Variants in DIAPH2 observed in about 807,000 individuals in gnomAD.
DIAPH2 encodes the protein diaphanous related formin 2.
Under a neutral mutation model 92.7 loss-of-function variants are expected in DIAPH2, and 35 were observed. That is an observed-to-expected ratio of 0.38 (90% CI 0.29 to 0.50). The LOEUF (loss-of-function observed/expected upper bound fraction) is 0.50, where lower values mean the gene tolerates loss of function less well. Ranked by LOEUF, DIAPH2 falls within the 20% of genes least tolerant of loss-of-function variation. The probability of loss-of-function intolerance (pLI) is 0.94; values close to 1 mark genes in which losing one functional copy is unlikely to be tolerated. For synonymous variants in DIAPH2, 301 were observed against 280.4 expected (o/e 1.07, Z -0.73); for missense variants, 701 against 819.5 (o/e 0.86, Z 1.77).
chrX:97,496,168 CT>C (rs10632820), intron 26 of DIAPH2, among the ~76,000 whole-genome samples: 7 of 54,085 alleles, frequency 1.3e-4, no homozygotes, highest in Admixed American at 3.3e-4. Flanking sequence ...GAATTGGTAC[CT>C]TTTTTTTTTT....
intron 26 of DIAPH2, among the ~76,000 whole-genome samples, chrX:97,574,697 A>C (rs1263539212): frequency 2.7e-5 from 3 of 112,150 alleles, no homozygotes; most frequent in Admixed American, 9.4e-5. Context: ...CATTGCTGGA[A>C]CATAGGTATG....
intron 25 of DIAPH2, among the ~76,000 whole-genome samples, chrX:97,405,855 A>G (rs775164917): frequency 3.6e-5 from 4 of 111,822 alleles, no homozygotes; most frequent in Admixed American, 9.5e-5. Flanking sequence ...GTATTACTTA[A>G]TCACTTTTTG....
At chrX:97,378,697 G>A (rs1458006472) in intron 24 of DIAPH2, among the ~76,000 whole-genome samples, 3 of 111,475 alleles carry the variant, frequency 2.7e-5, no homozygotes, top group South Asian at 7.6e-4. Flanking sequence ...GGTGACAGAG[G>A]GAGACCCTGA....
chrX:97,320,108 A>T (rs180869870), intron 23 of DIAPH2, among the ~76,000 whole-genome samples: 4,039 of 104,965 alleles, frequency 0.038, 68 homozygotes, highest in African/African-American at 0.064. Context: ...TCAAAAAAAA[A>T]ATATATATAT....
At chrX:96,798,601 A>G (rs935873749) in intron 4 of DIAPH2, among the ~76,000 whole-genome samples, 1 of 111,453 alleles carries the variant, frequency 9.0e-6, no homozygotes, top group African/African-American at 3.3e-5. Flanking sequence ...CCAGTAAGCA[A>G]TCTTTTTCTG....
intron 17 of DIAPH2, among the ~76,000 whole-genome samples, chrX:96,991,539 GTT>G (rs5903062): frequency 1.1e-5 from 1 of 87,329 alleles, no homozygotes; most frequent in African/African-American, 4.3e-5. Flanking sequence ...GTTTTATGGT[GTT>G]TTTTTTTTTT....
intron 26 of DIAPH2, among the ~76,000 whole-genome samples, chrX:97,507,194 AT>A (rs35219826): frequency 0.42 from 41,750 of 100,409 alleles, 8,746 homozygotes; most frequent in Non-Finnish European, 0.58. Context: ...CATAAATTCT[AT>A]TTTTTTACAA....
intron 23 of DIAPH2, among the ~76,000 whole-genome samples, chrX:97,258,925 A>G (rs767469307): frequency 1.8e-5 from 2 of 109,194 alleles, no homozygotes; most frequent in East Asian, 2.9e-4. Flanking sequence ...AAACAAAACA[A>G]AGAAAGAAAT....
Position 97,307,660 on chromosome X carries a change from G to T in DIAPH2, c.2845-40456G>T, listed in dbSNP as rs191459006. On this transcript the variant is annotated intron_variant, in intron 23 of 26. Coordinates refer to ENST00000324765, the MANE Select transcript of DIAPH2 (RefSeq NM_006729.5). ...GCGGTGGCTCACTCCTATAATCCCA[G>T]CACTTTGGGAGGTTGAGGCGGGTGG... Among the ~76,000 whole-genome samples the T allele has an allele frequency of 2.4e-3, 264 of 110,728 alleles. 1 individual carries two copies. The highest frequency in any genetic ancestry group is 8.4e-3 in the African/African-American group (256 of 30,476).
chrX:96,765,205 T>C (rs893243851), intron 4 of DIAPH2, among the ~76,000 whole-genome samples: 10 of 105,794 alleles, frequency 9.5e-5, no homozygotes, highest in Admixed American at 1.0e-4. Context: ...TTTTTTTTTT[T>C]TTTTTTTTTT....
chrX:96,770,683 C>G (rs1031087882), intron 4 of DIAPH2, among the ~76,000 whole-genome samples: 1 of 111,026 alleles, frequency 9.0e-6, no homozygotes, highest in Admixed American at 9.6e-5. Context: ...TGTTAAAAAT[C>G]TAAATTCAGT....
In DIAPH2 at chrX:96,685,137, A is replaced by G. The variant is rs1020294222; in HGVS notation, c.79A>G (p.Ser27Gly). ...EPGGGRSNKR[S>G]AGNRAANEEE... Reference sequence around the variant, plus strand: ...CGGTGGGGGCCGGAGCAACAAGCGGAGCGCGGGGAACCGGGCCGCCAATGA... The same window carrying G: ...CGGTGGGGGCCGGAGCAACAAGCGGGGCGCGGGGAACCGGGCCGCCAATGA... Residue 27 changes from serine (S) to glycine (G), a missense_variant, in exon 1 of 27, where the codon AGC (serine) becomes GGC (glycine). Physicochemically the swap from Ser to Gly is moderately conservative, Grantham distance 56. Coordinates refer to ENST00000324765, the MANE Select transcript of DIAPH2 (RefSeq NM_006729.5). 1.6e-5 allele frequency: 16 copies of G among 1,013,542 alleles called. No homozygotes were observed. The highest frequency in any genetic ancestry group is 2.0e-5 in the Non-Finnish European group (16 of 792,536). 83.5% of individuals were successfully genotyped at this position (1,013,542 alleles called of 1,213,427 possible). A position where few individuals can be genotyped will look rare whatever the true frequency, so the allele number is the denominator to read the frequency against.
At chrX:97,452,162 AAAG>A (rs1480778318) in intron 26 of DIAPH2, among the ~76,000 whole-genome samples, 55 of 111,543 alleles carry the variant, frequency 4.9e-4, no homozygotes, top group African/African-American at 1.7e-3. Flanking sequence ...TCTCTTAAAA[AAAG>A]AAACGAATAT....
chrX:96,912,309 T>C lies in DIAPH2; in HGVS notation c.588-19T>C. On this transcript the variant is annotated intron_variant, in intron 5 of 26. Transcript: ENST00000324765. ...ATTACTAACTTACTTATACATCTAA[T>C]TTTTTGTTTATTTCTCAGCTGGGTT... is the stretch of plus-strand genomic sequence containing the variant. The C allele has an allele frequency of 4.3e-6, 5 of 1,159,259 alleles. No homozygotes were observed. The highest frequency in any genetic ancestry group is 2.3e-6 in the Non-Finnish European group (2 of 859,865).
At chrX:97,060,802 G>T (rs866281161) in intron 17 of DIAPH2, among the ~76,000 whole-genome samples, 1 of 111,983 alleles carries the variant, frequency 8.9e-6, no homozygotes, top group African/African-American at 3.2e-5. Flanking sequence ...AGTATTAAAC[G>T]GTAGTTCTCA....
At chrX:96,943,327 T>C (rs1158737847) in intron 13 of DIAPH2, among the ~76,000 whole-genome samples, 1 of 111,452 alleles carries the variant, frequency 9.0e-6, no homozygotes, top group Non-Finnish European at 1.9e-5. Context: ...CATTCTTGTA[T>C]ATAAATGTTT....
chrX:96,882,399 A>G (rs1043655085), intron 5 of DIAPH2, among the ~76,000 whole-genome samples: 14 of 111,409 alleles, frequency 1.3e-4, no homozygotes, highest in Admixed American at 1.9e-4. Flanking sequence ...ATGTTCTTCT[A>G]TAAGTTTTAG....
At chrX:96,991,679 G>A (rs2066073501) in intron 17 of DIAPH2, among the ~76,000 whole-genome samples, 2 of 109,622 alleles carry the variant, frequency 1.8e-5, no homozygotes, top group South Asian at 4.0e-4. Flanking sequence ...GGATAAAGTA[G>A]CATCACATCA....
chrX:97,584,796 C>T (rs1168831162), intron 26 of DIAPH2, among the ~76,000 whole-genome samples: 1 of 112,299 alleles, frequency 8.9e-6, no homozygotes, highest in Admixed American at 9.4e-5. Context: ...AATCAGGAAG[C>T]AAAAAAGTAT....
Sources: allele counts gnomAD v4.1 joint callset (sites outside exome capture counted in the v4.1 genomes callset), GRCh38; gene constraint gnomAD v4.1.1; transcripts MANE v1.5; gene names NCBI Gene and HGNC (gene_info 2026-07-23, HGNC 2026-07-21).